The following VAV2 variants were observed in gnomAD, a reference collection of about 807,000 sequenced individuals.
The protein encoded by VAV2 is vav guanine nucleotide exchange factor 2.
In VAV2, 67 loss-of-function variants were observed where a neutral mutation model predicts 132.5. That is an observed-to-expected ratio of 0.51 (90% CI 0.42 to 0.62). VAV2 has a LOEUF of 0.62. VAV2 is among the 20% of genes least tolerant of loss of function. The probability of loss-of-function intolerance (pLI) is 0.00; values close to 1 mark genes in which losing one functional copy is unlikely to be tolerated. For missense variants in VAV2, 938 were observed against 1,153.6 expected (o/e 0.81, Z 2.71); for synonymous variants, 492 against 443.5 (o/e 1.11, Z -1.37).
intron 1 of VAV2, among the ~76,000 whole-genome samples, chr9:133,974,869 A>G (rs1842455867): frequency 6.6e-6 from 1 of 152,136 alleles, no homozygotes; most frequent in Non-Finnish European, 1.5e-5. Flanking sequence ...TGGCCCCCGA[A>G]GTCTTCCAAG....
At position 133,861,429 on chromosome 9, in the gene VAV2, T is replaced by A; in HGVS notation, c.325A>T (p.Ile109Phe). Reference sequence around the variant, plus strand: ...AGGGAGAGCCTCGACACCGCGGAGATGACCTGGGGGAGACAAGAAGAGACG... The same window carrying A: ...AGGGAGAGCCTCGACACCGCGGAGAAGACCTGGGGGAGACAAGAAGAGACG... Reference protein sequence around the residue: ...LFDVRDFGKVISAVSRLSLHS... With the variant: ...LFDVRDFGKVFSAVSRLSLHS... The change falls in exon 3 of 30, where the codon ATC becomes TTC. Residue 109 changes from isoleucine (I) to phenylalanine (F), a missense_variant. Coordinates refer to ENST00000371850, the MANE Select transcript of VAV2 (RefSeq NM_001134398.2). 1.2e-6 allele frequency: 2 copies of A among 1,613,230 alleles called. No individual in the cohort carries two copies. Among genetic ancestry groups the A allele is most frequent in the Non-Finnish European group, 1.7e-6 (2 of 1,179,724 alleles).
At chr9:133,780,583 G>A (rs894713984) in intron 20 of VAV2, 111 bp downstream of exon 20, 15 of 1,234,074 alleles carry the variant, frequency 1.2e-5, no homozygotes, top group South Asian at 6.4e-5. Context: ...CATCCAAGCC[G>A]GTGTGGCCCC....
intron 1 of VAV2, among the ~76,000 whole-genome samples, chr9:133,951,118 C>T (rs1177289055): frequency 6.6e-6 from 1 of 152,210 alleles, no homozygotes; most frequent in East Asian, 1.9e-4. Context: ...TAGAGAGCTT[C>T]CCAAGCAGGG....
chr9:133,767,096 A>G (rs1169928984), intron 29 of VAV2, among the ~76,000 whole-genome samples: 1 of 152,106 alleles, frequency 6.6e-6, no homozygotes, highest in Non-Finnish European at 1.5e-5. Flanking sequence ...AGATGTGACA[A>G]CTAGAAAATA....
At position 133,936,029 on chromosome 9, in the gene VAV2, G is replaced by A. The variant is rs76168502; in HGVS notation, c.321+3074C>T. On this transcript the variant is annotated intron_variant, in intron 2 of 29. Transcript: ENST00000371850. ...GGCGGGGCCCTGGGGCACGTGCGGTGCTGAGACCCTGCACACATGGCTTGA... is the reference window on the plus strand; with the variant it reads ...GGCGGGGCCCTGGGGCACGTGCGGTACTGAGACCCTGCACACATGGCTTGA... 9.4e-3 allele frequency among the ~76,000 whole-genome samples: 1,425 copies of A among 152,296 alleles called. 14 individuals are homozygous for A. The highest frequency in any genetic ancestry group is 0.033 in the African/African-American group (1,352 of 41,554).
At chr9:133,786,676 G>C (rs929658274) in intron 16 of VAV2, among the ~76,000 whole-genome samples, 1 of 152,246 alleles carries the variant, frequency 6.6e-6, no homozygotes, top group Non-Finnish European at 1.5e-5. Context: ...AGCCATCCCC[G>C]ACTGAGCAAC....
chr9:133,777,002 T>C (rs994019021), intron 23 of VAV2, among the ~76,000 whole-genome samples: 2 of 152,198 alleles, frequency 1.3e-5, no homozygotes, highest in East Asian at 1.9e-4. Context: ...TAGCTTTGAA[T>C]CCTTATGTTT....
chr9:133,783,359 G>C (rs1217485300), intron 19 of VAV2, 144 bp downstream of exon 19: 2 of 737,284 alleles, frequency 2.7e-6, no homozygotes, highest in African/African-American at 3.5e-5. Context: ...TCTGGTGTCT[G>C]CTCTGGGGCA....
At chr9:133,936,415 G>C (rs756642294) in intron 2 of VAV2, among the ~76,000 whole-genome samples, 7 of 151,930 alleles carry the variant, frequency 4.6e-5, no homozygotes, top group Non-Finnish European at 8.8e-5. Flanking sequence ...GCTGCTTTTT[G>C]TATTTTTATT....
intron 9 of VAV2, among the ~76,000 whole-genome samples, chr9:133,799,088 C>G (rs900099997): frequency 6.6e-6 from 1 of 152,224 alleles, no homozygotes; most frequent in Non-Finnish European, 1.5e-5. Flanking sequence ...GGAGGGTGGC[C>G]CTCGGGGAGA....
In VAV2 at chr9:133,842,402, T is replaced by C. The variant is rs528133719; in HGVS notation, c.381-8062A>G. On this transcript the variant is annotated intron_variant, in intron 3 of 29. Transcript: ENST00000371850. ...AGAACAGGCAGAGCCTCGAGTTACA[T>C]CCTGGAGGGCGGGACTGGCTCACGG... Among the ~76,000 whole-genome samples the C allele has an allele frequency of 2.6e-5, 4 of 152,228 alleles. No homozygotes were observed. In the South Asian group the frequency reaches 8.3e-4, roughly 32 times the overall value.
At chr9:133,777,156 A>G (rs1195568996) in intron 23 of VAV2, among the ~76,000 whole-genome samples, 3 of 152,136 alleles carry the variant, frequency 2.0e-5, no homozygotes, top group Non-Finnish European at 4.4e-5. Flanking sequence ...TTCTAAAACC[A>G]CAACGAAACG....
rs900852874 is a variant in VAV2 at position 133,823,116 on chromosome 9, C to T, written c.450-10900G>A. Among the ~76,000 whole-genome samples, 2 of 152,338 alleles carry T rather than the reference C, an allele frequency of 1.3e-5. No individual in the cohort carries two copies. The highest frequency in any genetic ancestry group is 1.5e-5 in the Non-Finnish European group (1 of 68,032). On this transcript the variant is annotated intron_variant, in intron 4 of 29. Transcript: ENST00000371850. This position sits in a 1 kb window ranked among gnomAD's most constrained non-coding sequence, Gnocchi z 5.5. ...CCAGTATGGGAATCGTGAATGCTCT[C>T]GGGACCTCATTATCCCCAGCCCTTC...
In VAV2 at chr9:133,806,121, C is replaced by T; in HGVS notation, c.796G>A (p.Gly266Ser). ...RAIDVSVMVGGSTLAKVFLDF... is the reference protein window; with the variant it reads ...RAIDVSVMVGSSTLAKVFLDF... ...AGGAAGACCTTGGCCAGCGTGCTGC[C>T]CCCCACCATCACGGACACGTCGATG... Residue 266 changes from glycine (G) to serine (S), a missense_variant, in exon 9 of 30, where the codon GGC (glycine) becomes AGC (serine). Gly to Ser is a moderately conservative substitution (Grantham distance 56). Transcript: ENST00000371850. 6.2e-7 allele frequency: 1 copy of T among 1,613,066 alleles called. No homozygotes were observed. Among genetic ancestry groups the T allele is most frequent in the Non-Finnish European group, 8.5e-7 (1 of 1,179,982 alleles).
rs534309120 is a variant in VAV2 at position 133,991,244 on chromosome 9, CAGG to C, written c.204+828_204+830del. Among the ~76,000 whole-genome samples, 4 of 152,344 alleles carry C rather than the reference CAGG, an allele frequency of 2.6e-5. No individual in the cohort carries two copies. The South Asian group carries it at 6.2e-4, about 24-fold the overall frequency. ...TAAGGATTCCGCGACCCCCGGAGAA[CAGG>C]ACGGAAGCCTCGATTCTCTCAAGTC... On this transcript the variant is annotated intron_variant, in intron 1 of 29. Coordinates refer to ENST00000371850, the MANE Select transcript of VAV2 (RefSeq NM_001134398.2). The surrounding 1 kb of genome is among the most constrained non-coding windows in gnomAD (Gnocchi z 4.8).
intron 9 of VAV2, among the ~76,000 whole-genome samples, chr9:133,799,559 C>T (rs1834851813): frequency 6.6e-6 from 1 of 152,172 alleles, no homozygotes; most frequent in Admixed American, 6.5e-5. Flanking sequence ...CCCGTGTCCA[C>T]AGACCTGGGA....
At chr9:133,976,936 C>T (rs766540022) in intron 1 of VAV2, among the ~76,000 whole-genome samples, 8 of 152,210 alleles carry the variant, frequency 5.3e-5, no homozygotes, top group Non-Finnish European at 7.4e-5. Context: ...TGAGCAGCTC[C>T]AGGACTCCAG....
chr9:133,985,226 T>TTG lies in VAV2; in HGVS notation c.204+6847_204+6848dup, dbSNP rs59748267. ...GCACACCTCATCCTATCTTGCCTTA[T>TTG]TGTGTGTGTGTGTGTGTGTGTGTGT... is the stretch of plus-strand genomic sequence containing the variant. On this transcript the variant is annotated intron_variant, in intron 1 of 29. Coordinates refer to ENST00000371850, the MANE Select transcript of VAV2 (RefSeq NM_001134398.2). Among the ~76,000 whole-genome samples, 921 of 137,224 alleles carry TTG rather than the reference T, an allele frequency of 6.7e-3. 8 individuals carry two copies. Among genetic ancestry groups the TTG allele is most frequent in the East Asian group, 0.015 (68 of 4,426 alleles). 90.0% of individuals were successfully genotyped at this position (137,224 alleles called of 152,430 possible). A position where few individuals can be genotyped will look rare whatever the true frequency, so the allele number is the denominator to read the frequency against.
In VAV2 at chr9:133,908,844, G is replaced by T. The variant is rs187681758; in HGVS notation, c.321+30259C>A. 1.5e-4 allele frequency among the ~76,000 whole-genome samples: 23 copies of T among 152,346 alleles called. No homozygotes were observed. The East Asian group carries it at 4.4e-3, about 29-fold the overall frequency. On this transcript the variant is annotated intron_variant, in intron 2 of 29. Transcript: ENST00000371850. The stretch of plus-strand genomic sequence containing the variant: ...TGCCTGGTTTGGTTTTGCAGCCCCT[G>T]CAGTTCTGAAAATGTGTGGGGACCC...
Sources: gnomAD v4.1 joint callset for allele counts (sites outside exome capture counted in the v4.1 genomes callset) on GRCh38, gnomAD v4.1.1 for gene constraint, Gnocchi (gnomAD v3.1) non-coding constraint, MANE v1.5 for transcripts, NCBI Gene and HGNC (gene_info 2026-07-23, HGNC 2026-07-21) for gene names.